The following TMEM232 variants were observed in gnomAD, a reference collection of about 807,000 sequenced individuals.
TMEM232 encodes transmembrane protein 232.
In TMEM232, 80 loss-of-function variants were observed where a neutral mutation model predicts 78.8. That is an observed-to-expected ratio of 1.01 (90% CI 0.85 to 1.22). The LOEUF (loss-of-function observed/expected upper bound fraction) is 1.22. Among genes scored for constraint, TMEM232 ranks in the 50% most tolerant of loss-of-function variants. TMEM232 has a pLI of 0.00. For missense variants in TMEM232, 881 were observed against 742.2 expected, an observed-to-expected ratio of 1.19 and a Z score of -2.17; for synonymous variants, 297 against 254.3, an observed-to-expected ratio of 1.17 and a Z score of -1.60.
At chr5:110,418,254 T>C (rs902712039), downstream of TMEM232, 2 of 152,160 alleles carry the variant, frequency 1.3e-5, no homozygotes, top group East Asian at 3.9e-4. Flanking sequence ...CCTAATTAGC[T>C]TCTAAATGAT....
chr5:110,611,398 C>T (rs1429617307), intron 8 of TMEM232, among the ~76,000 whole-genome samples: 1 of 152,048 alleles, frequency 6.6e-6, no homozygotes, highest in Non-Finnish European at 1.5e-5. Flanking sequence ...CTCCTGCTTA[C>T]AGGACTTCAT....
intron 12 of TMEM232, among the ~76,000 whole-genome samples, chr5:110,428,715 C>T (rs1280718109): frequency 6.6e-6 from 1 of 151,326 alleles, no homozygotes; most frequent in Non-Finnish European, 1.5e-5. Flanking sequence ...TGAATAAACT[C>T]CTCTTTGGCT....
In TMEM232 at chr5:110,599,363, G is replaced by C. The variant is rs946216544; in HGVS notation, c.1276+5746C>G. ...AATAGGCTAAATGTCCCAATTAAAA[G>C]ACACCGACTAGAAAACTGGATAAAG... is the stretch of plus-strand genomic sequence containing the variant. On this transcript the variant is annotated intron_variant, in intron 10 of 13. Coordinates refer to ENST00000455884, the MANE Select transcript of TMEM232 (RefSeq NM_001039763.4). 2.0e-5 allele frequency among the ~76,000 whole-genome samples: 3 copies of C among 152,108 alleles called. No individual in the cohort carries two copies. In the East Asian group the frequency reaches 5.8e-4, roughly 29 times the overall value.
intron 2 of TMEM232, among the ~76,000 whole-genome samples, chr5:110,653,803 A>G (rs906788492): frequency 1.3e-5 from 2 of 152,158 alleles, no homozygotes; most frequent in Non-Finnish European, 2.9e-5. Flanking sequence ...AGGATGATTT[A>G]CCTATGAGAC....
intron 12 of TMEM232, among the ~76,000 whole-genome samples, chr5:110,506,253 G>GT (rs1561585807): frequency 6.6e-6 from 1 of 152,072 alleles, no homozygotes; most frequent in Non-Finnish European, 1.5e-5. Flanking sequence ...GGCTTTGTGT[G>GT]TTTTGTTTTA....
intron 12 of TMEM232, among the ~76,000 whole-genome samples, chr5:110,477,645 C>T (rs982667414): frequency 1.3e-5 from 2 of 151,820 alleles, no homozygotes; most frequent in Non-Finnish European, 2.9e-5. Flanking sequence ...CTATTCCCCA[C>T]ACCTCCAAGT....
chr5:110,605,656 A>G (rs1482769781), intron 9 of TMEM232, among the ~76,000 whole-genome samples: 1 of 152,176 alleles, frequency 6.6e-6, no homozygotes, highest in Non-Finnish European at 1.5e-5. Context: ...ACCTTTTGAT[A>G]TACAACTCCA....
chr5:110,582,203 T>C (rs1441897649), intron 10 of TMEM232, among the ~76,000 whole-genome samples: 1 of 151,852 alleles, frequency 6.6e-6, no homozygotes, highest in African/African-American at 2.4e-5. Flanking sequence ...AAAGACAACA[T>C]GCACTTGTAC....
chr5:110,469,493 G>A (rs1431649484), intron 12 of TMEM232, among the ~76,000 whole-genome samples: 2 of 152,168 alleles, frequency 1.3e-5, no homozygotes, highest in African/African-American at 4.8e-5. Flanking sequence ...ATGGTGCCTT[G>A]GTGAAGCCAC....
intron 11 of TMEM232, among the ~76,000 whole-genome samples, 192 bp from the exon 12 acceptor site, chr5:110,529,027 T>C (rs999283366): frequency 6.6e-6 from 1 of 152,190 alleles, no homozygotes; most frequent in African/African-American, 2.4e-5. Context: ...ACAGCAAATT[T>C]CAGTGAAATA....
chr5:110,532,325 C>G (rs550653521), intron 11 of TMEM232, among the ~76,000 whole-genome samples: 67 of 150,094 alleles, frequency 4.5e-4, no homozygotes, highest in African/African-American at 1.6e-3. Flanking sequence ...TGACGCTGCC[C>G]GATCGCCTCA....
intron 12 of TMEM232, among the ~76,000 whole-genome samples, chr5:110,518,614 C>T (rs1769037295): frequency 6.6e-6 from 1 of 151,920 alleles, no homozygotes; most frequent in Non-Finnish European, 1.5e-5. Flanking sequence ...TTTTAGAATT[C>T]TTGAAAAAAA....
intron 10 of TMEM232, among the ~76,000 whole-genome samples, chr5:110,604,898 G>T (rs1781352993): frequency 6.6e-6 from 1 of 152,126 alleles, no homozygotes; most frequent in African/African-American, 2.4e-5. Flanking sequence ...GGAGGTTACA[G>T]TGAGCAGGGA....
chr5:110,670,504 C>T (rs1357502678), intron 1 of TMEM232, among the ~76,000 whole-genome samples: 3 of 152,150 alleles, frequency 2.0e-5, no homozygotes, highest in Admixed American at 6.6e-5. Flanking sequence ...AATGGAAGAA[C>T]ATTCCATGCT....
chr5:110,673,419 G>A (rs979175502), intron 1 of TMEM232, among the ~76,000 whole-genome samples: 1 of 151,650 alleles, frequency 6.6e-6, no homozygotes, highest in African/African-American at 2.4e-5. Flanking sequence ...AAACCTGCAT[G>A]TTGTGCACAT....
intron 1 of TMEM232, among the ~76,000 whole-genome samples, chr5:110,678,110 G>C (rs1033439216): frequency 6.6e-6 from 1 of 152,074 alleles, no homozygotes; most frequent in Non-Finnish European, 1.5e-5. Context: ...TGTCGCCCAG[G>C]CTAGAGTGCA....
At chr5:110,559,930 C>T (rs1479023568) in intron 11 of TMEM232, among the ~76,000 whole-genome samples, 8 of 152,108 alleles carry the variant, frequency 5.3e-5, no homozygotes, top group Non-Finnish European at 1.2e-4. Context: ...ACCTCTGTCT[C>T]CACATGGCTC....
chr5:110,581,116 C>T (rs1333762111), intron 10 of TMEM232, among the ~76,000 whole-genome samples: 1 of 151,684 alleles, frequency 6.6e-6, no homozygotes, highest in East Asian at 1.9e-4. Flanking sequence ...CAACACAATT[C>T]TTACCAAACT....
chr5:110,590,640 G>C (rs1019614621), intron 10 of TMEM232, among the ~76,000 whole-genome samples: 1 of 152,062 alleles, frequency 6.6e-6, no homozygotes, highest in African/African-American at 2.4e-5. Context: ...GGACCACTGA[G>C]ATAAGATCAA....
Sources: gnomAD v4.1 joint callset for allele counts (sites outside exome capture counted in the v4.1 genomes callset) on GRCh38, gnomAD v4.1.1 for gene constraint, MANE v1.5 for transcripts, NCBI Gene and HGNC (gene_info 2026-07-23, HGNC 2026-07-21) for gene names.